Variants in RUVBL1 observed in about 807,000 individuals in gnomAD.
RUVBL1 encodes the protein ruvB-like 1.
RUVBL1 carries 4 observed loss-of-function variants against 52.4 expected under a neutral mutation model. The observed-to-expected ratio is 0.08, with a 90% CI of 0.04 to 0.17. The LOEUF is 0.17. RUVBL1 is among the 10% of genes least tolerant of loss of function. The probability of loss-of-function intolerance (pLI) is 1.00; values close to 1 mark genes in which losing one functional copy is unlikely to be tolerated. For synonymous variants in RUVBL1, 217 were observed against 214.4 expected, an observed-to-expected ratio of 1.01 and a Z score of -0.10; for missense variants, 298 against 572.8, an observed-to-expected ratio of 0.52 and a Z score of 4.90.
chr3:128,090,094 T>C (rs1181977344), intron 8 of RUVBL1, among the ~76,000 whole-genome samples: 1 of 152,164 alleles, frequency 6.6e-6, no homozygotes, highest in East Asian at 1.9e-4. Context: ...CATGCCACCC[T>C]GTGAATGTCA....
Position 128,067,800 on chromosome 3 carries a change from G to A in RUVBL1, c.940-2580C>T, listed in dbSNP as rs1269380854. ...AGCAGTAGATCAGCTGTGGGTATGA[G>A]AATCTGAATCCACACTGTAAAGTTA... On this transcript the variant is annotated intron_variant, in intron 9 of 9. Transcript: ENST00000464873. The surrounding 1 kb of genome is among the most constrained non-coding windows in gnomAD (Gnocchi z 4.1). The A allele has an allele frequency of 1.5e-6, 1 of 675,106 alleles. No individual in the cohort carries two copies. The highest frequency in any genetic ancestry group is 2.6e-6 in the Non-Finnish European group (1 of 391,086). The allele number at this position is 675,106 out of a possible 1,614,324, so 41.8% of individuals were successfully genotyped here.
intron 6 of RUVBL1, among the ~76,000 whole-genome samples, chr3:128,099,638 G>C (rs936275940): frequency 2.6e-5 from 4 of 152,200 alleles, no homozygotes; most frequent in African/African-American, 9.6e-5. Flanking sequence ...GAAGAGGCTG[G>C]TGTTTGGTCA....
At position 128,081,429 on chromosome 3, in the gene RUVBL1, G is replaced by C; in HGVS notation, c.1212-20C>G. 3 of 1,600,238 alleles carry C rather than the reference G, an allele frequency of 1.9e-6. No homozygotes were observed. The highest frequency in any genetic ancestry group is 1.7e-6 in the Non-Finnish European group (2 of 1,169,578). On this transcript the variant is annotated intron_variant, in intron 10 of 10. Transcript: ENST00000322623. This position sits in a 1 kb window ranked among gnomAD's most constrained non-coding sequence, Gnocchi z 4.8. Reference sequence around the variant, plus strand: ...GAGTACCTAGAGTGGACAGGGGCCAGGGCTGGAGTGAAACTGGGGCCACCG... The same window carrying C: ...GAGTACCTAGAGTGGACAGGGGCCACGGCTGGAGTGAAACTGGGGCCACCG...
At chr3:128,113,804 C>T (rs922694864) in intron 2 of RUVBL1, among the ~76,000 whole-genome samples, 3 of 152,106 alleles carry the variant, frequency 2.0e-5, no homozygotes, top group African/African-American at 7.2e-5. Context: ...CTAATTGCTC[C>T]GAATACACCA....
chr3:128,081,548 A>G lies in RUVBL1; in HGVS notation c.1212-139T>C. The G allele has an allele frequency of 1.2e-6, 1 of 856,380 alleles. No individual in the cohort carries two copies. The highest frequency in any genetic ancestry group is 1.8e-6 in the Non-Finnish European group (1 of 565,756). 53.0% of individuals were successfully genotyped at this position (856,380 alleles called of 1,614,324 possible). A position where few individuals can be genotyped will look rare whatever the true frequency, so the allele number is the denominator to read the frequency against. On this transcript the variant is annotated intron_variant, in intron 10 of 10. Coordinates refer to ENST00000322623, the MANE Select transcript of RUVBL1 (RefSeq NM_003707.3). The surrounding 1 kb of genome is among the most constrained non-coding windows in gnomAD (Gnocchi z 4.8). ...GTGCCAGCTGCTACGAACACAGAAAAGGGGAGACAAAGTTGTCACTTCTCA... is the reference window on the plus strand; with the variant it reads ...GTGCCAGCTGCTACGAACACAGAAAGGGGGAGACAAAGTTGTCACTTCTCA...
chr3:128,104,175 TA>T (rs1943170576), intron 4 of RUVBL1, among the ~76,000 whole-genome samples: 2 of 152,194 alleles, frequency 1.3e-5, no homozygotes, highest in African/African-American at 4.8e-5. Context: ...GCCTCCATCC[TA>T]AAGACTTACA....
chr3:128,065,346 T>C (rs1161214853), intron 9 of RUVBL1: 7 of 585,636 alleles, frequency 1.2e-5, no homozygotes, highest in Non-Finnish European at 1.8e-5. Flanking sequence ...AAAAGTACTC[T>C]AGCTCTGAAA....
Position 128,067,666 on chromosome 3 carries a change from G to T in RUVBL1, c.940-2446C>A, listed in dbSNP as rs1942023592. On this transcript the variant is annotated intron_variant, in intron 9 of 9. Coordinates refer to the RUVBL1 transcript ENST00000464873. This position sits in a 1 kb window ranked among gnomAD's most constrained non-coding sequence, Gnocchi z 4.1. ...GTGATGAAAGTGTGACTGGTATAAG[G>T]GGTGTGGACTTGTCACCTCATCATA... The T allele has an allele frequency of 7.2e-7, 1 of 1,384,538 alleles. No individual in the cohort carries two copies. Among genetic ancestry groups the T allele is most frequent in the South Asian group, 1.3e-5 (1 of 78,048 alleles). The allele number at this position is 1,384,538 out of a possible 1,614,324, so 85.8% of individuals were successfully genotyped here.
intron 5 of RUVBL1, 134 bp from the exon 6 acceptor site, chr3:128,100,878 C>A (rs754980562): frequency 3.1e-6 from 3 of 962,898 alleles, no homozygotes; most frequent in Non-Finnish European, 4.6e-6. Flanking sequence ...TCCAAATATG[C>A]CCCACTCCCC....
chr3:128,149,717 G>T (rs1372801241), intron 1 of RUVBL1, among the ~76,000 whole-genome samples: 6 of 152,164 alleles, frequency 3.9e-5, no homozygotes, highest in Non-Finnish European at 8.8e-5. Flanking sequence ...TTCTCTCCAT[G>T]GGAATCTGTT....
chr3:128,132,492 G>T (rs974931615), intron 1 of RUVBL1, among the ~76,000 whole-genome samples: 2 of 152,162 alleles, frequency 1.3e-5, no homozygotes, highest in Admixed American at 1.3e-4. Flanking sequence ...CCTTCCTTCT[G>T]CTTGAGGAGA....
chr3:128,096,418 C>T (rs1320984728), intron 8 of RUVBL1, among the ~76,000 whole-genome samples: 1 of 152,206 alleles, frequency 6.6e-6, no homozygotes, highest in Non-Finnish European at 1.5e-5. Flanking sequence ...ACCGTATGAA[C>T]ACTTGTCTTC....
chr3:128,132,673 A>C (rs1245752621), intron 1 of RUVBL1, among the ~76,000 whole-genome samples: 1 of 152,186 alleles, frequency 6.6e-6, no homozygotes, highest in Non-Finnish European at 1.5e-5. Context: ...TGAAGGAGGA[A>C]AACCCAGACT....
At chr3:128,122,165 G>A (rs1943665642) in intron 1 of RUVBL1, among the ~76,000 whole-genome samples, 1 of 152,166 alleles carries the variant, frequency 6.6e-6, no homozygotes, top group Admixed American at 6.5e-5. Flanking sequence ...AGTAACCTTG[G>A]ACCTACTTAT....
At chr3:128,122,193 G>A (rs1943666273) in intron 1 of RUVBL1, among the ~76,000 whole-genome samples, 5 of 152,216 alleles carry the variant, frequency 3.3e-5, no homozygotes, top group Admixed American at 3.3e-4. Context: ...CTATGAACCA[G>A]AATTTCCTCA....
intron 9 of RUVBL1, among the ~76,000 whole-genome samples, chr3:128,085,572 C>G (rs1397822560): frequency 6.6e-6 from 1 of 152,244 alleles, no homozygotes; most frequent in Non-Finnish European, 1.5e-5. Context: ...TTGACACCAT[C>G]TCCTAGGTAA....
At chr3:128,137,506 T>C (rs1293854774) in intron 1 of RUVBL1, among the ~76,000 whole-genome samples, 5 of 152,160 alleles carry the variant, frequency 3.3e-5, no homozygotes, top group African/African-American at 1.2e-4. Flanking sequence ...ATCCAAAACC[T>C]GAATAGACCA....
intron 2 of RUVBL1, among the ~76,000 whole-genome samples, chr3:128,118,079 G>T (rs1943566707): frequency 6.6e-6 from 1 of 152,130 alleles, no homozygotes; most frequent in Admixed American, 6.5e-5. Context: ...ACTTCTAGAA[G>T]AAATTTCTAA....
chr3:128,107,562 T>C (rs980442582), intron 3 of RUVBL1, among the ~76,000 whole-genome samples: 1 of 152,228 alleles, frequency 6.6e-6, no homozygotes, highest in Non-Finnish European at 1.5e-5. Flanking sequence ...TTGCCTTCTC[T>C]ACCCCAGAAA....
Sources: gnomAD v4.1 joint callset for allele counts (sites outside exome capture counted in the v4.1 genomes callset) on GRCh38, gnomAD v4.1.1 for gene constraint, Gnocchi (gnomAD v3.1) non-coding constraint, MANE v1.5 for transcripts, NCBI Gene and HGNC (gene_info 2026-07-23, HGNC 2026-07-21) for gene names.